Variants in AP2A2 observed in about 807,000 individuals in gnomAD.
The protein encoded by AP2A2 is AP-2 complex subunit alpha-2.
A neutral mutation model predicts 104.2 loss-of-function variants in AP2A2; 32 were observed. That is an observed-to-expected ratio of 0.31 (90% CI 0.23 to 0.41). The LOEUF is 0.41. Among genes scored for constraint, AP2A2 ranks in the 10% least tolerant of loss-of-function variants. AP2A2 has a pLI of 1.00. For synonymous variants in AP2A2, 539 were observed against 533.3 expected (o/e 1.01, Z -0.15); for missense variants, 912 against 1,261.0 (o/e 0.72, Z 4.19).
chr11:959,593 C>G (rs1854359248), intron 2 of AP2A2, 88 bp downstream of exon 2: 1 of 857,694 alleles, frequency 1.2e-6, no homozygotes, highest in Admixed American at 2.7e-5. Context: ...CTTCTTTTCT[C>G]CCACACTAAA....
At chr11:1,008,734 T>A (rs1035722754) in intron 18 of AP2A2, 4 of 322,262 alleles carry the variant, frequency 1.2e-5, no homozygotes, top group Admixed American at 4.6e-5. Flanking sequence ...GATTGTATAC[T>A]GTAGAATTCG....
At chr11:990,239 G>A (rs916016849) in intron 10 of AP2A2, among the ~76,000 whole-genome samples, 1 of 152,218 alleles carries the variant, frequency 6.6e-6, no homozygotes, top group African/African-American at 2.4e-5. Context: ...GACAGGGACG[G>A]GGTGGGCTGA....
intron 17 of AP2A2, 38 bp downstream of exon 17, chr11:1,006,655 A>T (rs756163346): frequency 6.6e-7 from 1 of 1,504,416 alleles, no homozygotes; most frequent in South Asian, 1.2e-5. Context: ...CGCAGACAGC[A>T]TAATGTGGGG....
At chr11:949,706 C>T (rs555988546) in intron 1 of AP2A2, among the ~76,000 whole-genome samples, 6 of 149,800 alleles carry the variant, frequency 4.0e-5, no homozygotes, top group East Asian at 4.0e-4. Context: ...ACCCGGGAGG[C>T]GGTGTTGGCA....
At chr11:984,977 T>G (rs556405856) in intron 7 of AP2A2, among the ~76,000 whole-genome samples, 1 of 152,318 alleles carries the variant, frequency 6.6e-6, no homozygotes, top group Non-Finnish European at 1.5e-5. Flanking sequence ...TTTTATAGTA[T>G]CAGATTTGTG....
At chr11:977,364 C>T (rs958248293) in intron 5 of AP2A2, 140 bp downstream of exon 5, 23 of 1,169,388 alleles carry the variant, frequency 2.0e-5, no homozygotes, top group Admixed American at 1.2e-4. Flanking sequence ...GCTGAGGCCA[C>T]GGGGGCCCTT....
chr11:969,371 A>C (rs965882546), intron 2 of AP2A2, among the ~76,000 whole-genome samples: 1 of 151,606 alleles, frequency 6.6e-6, no homozygotes, highest in East Asian at 1.9e-4. Context: ...CTGGGATTAC[A>C]GGCATGCACC....
intron 1 of AP2A2, among the ~76,000 whole-genome samples, chr11:949,711 T>A (rs1853974685): frequency 6.6e-6 from 1 of 150,704 alleles, no homozygotes; most frequent in South Asian, 2.1e-4. Flanking sequence ...GGAGGCGGTG[T>A]TGGCAGTGAG....
At chr11:1,004,432 C>G (rs7481713) in intron 16 of AP2A2, among the ~76,000 whole-genome samples, 73,634 of 151,794 alleles carry the variant, frequency 0.49, 18,783 homozygotes, top group Admixed American at 0.64. Context: ...AAGATCATGC[C>G]ACTGCACTAC....
intron 1 of AP2A2, among the ~76,000 whole-genome samples, chr11:953,837 CTTT>C (rs764828583): frequency 7.1e-6 from 1 of 140,066 alleles, no homozygotes. Context: ...TACCTTCTCT[CTTT>C]TTTTTTTTTT....
intron 1 of AP2A2, chr11:947,033 G>A (rs1218084409): frequency 1.5e-5 from 2 of 132,858 alleles, no homozygotes; most frequent in East Asian, 2.1e-4. Context: ...TTTTTGAGAC[G>A]GAGTCTCCCT....
At chr11:969,476 TC>T (rs938836629) in intron 2 of AP2A2, among the ~76,000 whole-genome samples, 13 of 152,118 alleles carry the variant, frequency 8.5e-5, no homozygotes, top group Admixed American at 8.5e-4. Context: ...TCCACCTGCC[TC>T]GGCCTCCCAA....
chr11:983,521 T>C (rs1041782118), intron 6 of AP2A2, among the ~76,000 whole-genome samples: 2 of 152,086 alleles, frequency 1.3e-5, no homozygotes, highest in Non-Finnish European at 2.9e-5. Flanking sequence ...TAGCTGGGAC[T>C]ACAGGCGCCC....
intron 15 of AP2A2, among the ~76,000 whole-genome samples, chr11:1,002,171 C>T (rs1856049152): frequency 6.6e-6 from 1 of 152,250 alleles, no homozygotes; most frequent in African/African-American, 2.4e-5. Flanking sequence ...GAGCCCCTCC[C>T]GTGTTCTTGA....
At position 985,560 on chromosome 11, in the gene AP2A2, A is replaced by T; in HGVS notation, c.940A>T (p.Ser314Cys). Residue 314 changes from serine (S) to cysteine (C), a missense_variant, in exon 8 of 22, where the codon AGC becomes TGC. By Grantham distance (112) the Ser-to-Cys change is moderately radical (BLOSUM62 -1). This residue lies in a region of AP2A2 where 350 missense variants were observed against 487.0 expected (regional missense o/e 0.72). Transcript: ENST00000448903. ...AKNAVLFEAI[S>C]LIIHHDSEPN... ...GAATGCCGTGCTCTTCGAGGCCATCAGCTTAATCATTCACCATGACAGGTG... is the reference window on the plus strand; with the variant it reads ...GAATGCCGTGCTCTTCGAGGCCATCTGCTTAATCATTCACCATGACAGGTG... 6.2e-7 allele frequency: 1 copy of T among 1,613,954 alleles called. No homozygotes were observed. Among genetic ancestry groups the T allele is most frequent in the South Asian group, 1.1e-5 (1 of 91,080 alleles).
chr11:1,009,048 G>A, intron 18 of AP2A2, 52 bp from the exon 19 acceptor site: 1 of 1,448,034 alleles, frequency 6.9e-7, no homozygotes, highest in East Asian at 2.3e-5. Context: ...GGTCCCTGGG[G>A]CTCTCAGAGG....
At chr11:994,334 A>T in intron 14 of AP2A2, 89 bp downstream of exon 14, 1 of 1,513,706 alleles carries the variant, frequency 6.6e-7, no homozygotes, top group Non-Finnish European at 9.0e-7. Flanking sequence ...GTCAGGGAGG[A>T]GCATGTACTG....
At chr11:1,007,938 G>T (rs1856264332) in intron 17 of AP2A2, 74 bp from the exon 18 acceptor site, 1 of 1,548,548 alleles carries the variant, frequency 6.5e-7, no homozygotes, top group Non-Finnish European at 8.7e-7. Flanking sequence ...CACGGGTCCT[G>T]CTGGGGCTCT....
At chr11:994,290 C>T in intron 14 of AP2A2, 45 bp downstream of exon 14, 2 of 1,599,226 alleles carry the variant, frequency 1.3e-6, no homozygotes, top group Non-Finnish European at 1.7e-6. Flanking sequence ...CAGGGCCTCA[C>T]CCCCAAGACT....
Sources: allele counts gnomAD v4.1 joint callset (sites outside exome capture counted in the v4.1 genomes callset), GRCh38; gene constraint gnomAD v4.1.1; regional missense constraint gnomAD v4.1.1; transcripts MANE v1.5; gene names NCBI Gene and HGNC (gene_info 2026-07-23, HGNC 2026-07-21).